Variants in C1QTNF3 observed in about 807,000 individuals in gnomAD.
C1QTNF3 encodes the protein complement C1q tumor necrosis factor-related protein 3.
Under a neutral mutation model 32.6 loss-of-function variants are expected in C1QTNF3, and 26 were observed. The observed-to-expected ratio is 0.80, with a 90% CI of 0.58 to 1.11. The LOEUF (loss-of-function observed/expected upper bound fraction) is 1.11. Ranked by LOEUF, C1QTNF3 falls within the 50% of genes least tolerant of loss-of-function variation. The pLI is 0.00. For synonymous variants in C1QTNF3, 155 were observed against 146.0 expected, an observed-to-expected ratio of 1.06 and a Z score of -0.44; for missense variants, 362 against 398.2, an observed-to-expected ratio of 0.91 and a Z score of 0.77.
chr5:34,213,773 ACG>A, the C1QTNF3 span, among the ~76,000 whole-genome samples: 16 of 57,288 alleles, frequency 2.8e-4, no homozygotes, highest in Non-Finnish European at 4.3e-4. Flanking sequence ...ACACACACAT[ACG>A]TGTATATATA....
chr5:34,024,002 T>C lies in C1QTNF3; in HGVS notation c.707A>G (p.Tyr236Cys), dbSNP rs773031650. The change falls in exon 5 of 6, where the codon TAT (tyrosine) becomes TGT (cysteine). Residue 236 changes from tyrosine to cysteine, a missense_variant. Tyr to Cys is a radical substitution (Grantham distance 194, BLOSUM62 -2). Transcript: ENST00000382065. ...GRFGAPVSGV[Y>C]FFTFSMMKHE... is the part of the protein sequence containing the mutation. ...CTTCATCATGCTGAAGGTGAAGAAA[T>C]ACACACCTGAAAAAAGCAGGTATAT... 2 of 1,613,806 alleles carry C rather than the reference T, an allele frequency of 1.2e-6. No homozygotes were observed. Among genetic ancestry groups the C allele is most frequent in the South Asian group, 2.2e-5 (2 of 91,048 alleles).
At chr5:34,076,026 A>G in the C1QTNF3 span, among the ~76,000 whole-genome samples, 2 of 151,684 alleles carry the variant, frequency 1.3e-5, no homozygotes, top group Non-Finnish European at 2.9e-5. Context: ...TCACAAAAAG[A>G]CAAACACTGA....
chr5:34,160,380 A>G, the C1QTNF3 span, among the ~76,000 whole-genome samples: 3 of 152,334 alleles, frequency 2.0e-5, no homozygotes, highest in Middle Eastern at 3.4e-3. Context: ...TTTAAATTAT[A>G]TGGACGTGTA....
At chr5:34,038,027 A>AG (rs1754783477) in intron 1 of C1QTNF3, among the ~76,000 whole-genome samples, 3 of 152,214 alleles carry the variant, frequency 2.0e-5, no homozygotes, top group African/African-American at 7.2e-5. Flanking sequence ...GGAAATACTG[A>AG]GATGCTTAGG....
At chr5:34,094,310 G>A in the C1QTNF3 span, among the ~76,000 whole-genome samples, 47 of 152,064 alleles carry the variant, frequency 3.1e-4, no homozygotes, top group African/African-American at 1.1e-3. Flanking sequence ...TATTGGCAAA[G>A]TTTCTGGTAA....
At chr5:34,148,160 C>T in the C1QTNF3 span, among the ~76,000 whole-genome samples, 2 of 148,910 alleles carry the variant, frequency 1.3e-5, no homozygotes, top group African/African-American at 2.5e-5. Context: ...GCTTAAGAAA[C>T]GGCGCACCAC....
At chr5:34,057,003 T>C in the C1QTNF3 span, among the ~76,000 whole-genome samples, 2 of 152,182 alleles carry the variant, frequency 1.3e-5, no homozygotes, top group Admixed American at 1.3e-4. Context: ...AATGCAAACT[T>C]TGGGTTCCCT....
At position 34,020,666 on chromosome 5, in the gene C1QTNF3, G is replaced by A; in HGVS notation, c.877C>T (p.Leu293=). 6.2e-7 allele frequency: 1 copy of A among 1,614,196 alleles called. No individual in the cohort carries two copies. Among genetic ancestry groups the A allele is most frequent in the Non-Finnish European group, 8.5e-7 (1 of 1,180,030 alleles). ...LKLAKGDEVW[L]RMGNGALHGD... is the part of the protein sequence containing the mutation. Reference sequence around the variant, plus strand: ...TGGAGAGCGCCATTGCCCATTCGCAGCCAAACCTCATCCCCTTTGGCTAGC... The same window carrying A: ...TGGAGAGCGCCATTGCCCATTCGCAACCAAACCTCATCCCCTTTGGCTAGC... The change falls in exon 6 of 6, where the codon CTG becomes TTG. Residue 293 remains leucine, a synonymous_variant. Transcript: ENST00000382065.
upstream of C1QTNF3, chr5:34,043,349 C>T (rs911514057): frequency 1.4e-5 from 8 of 560,166 alleles, no homozygotes; most frequent in South Asian, 2.3e-5. Context: ...CAAGCAAGAA[C>T]GATTTGTGTG....
At chr5:34,240,098 A>AAC in the C1QTNF3 span, among the ~76,000 whole-genome samples, 1 of 151,648 alleles carries the variant, frequency 6.6e-6, no homozygotes, top group Non-Finnish European at 1.5e-5. Flanking sequence ...TGAAAATGGG[A>AAC]ACACAAATTA....
chr5:34,066,339 C>G, the C1QTNF3 span, among the ~76,000 whole-genome samples: 40 of 152,318 alleles, frequency 2.6e-4, no homozygotes, highest in Admixed American at 2.2e-3. Context: ...TTACCCTGCT[C>G]ATGCCTGACA....
chr5:34,023,051 T>C (rs543507869), intron 5 of C1QTNF3, among the ~76,000 whole-genome samples: 1 of 152,218 alleles, frequency 6.6e-6, no homozygotes, highest in South Asian at 2.1e-4. Flanking sequence ...GAGACGGGGT[T>C]TCACCGTGTT....
the C1QTNF3 span, among the ~76,000 whole-genome samples, chr5:34,131,960 T>C: frequency 6.6e-6 from 1 of 152,202 alleles, no homozygotes. Flanking sequence ...ATAACGGTGA[T>C]AGTAGATTTG....
the C1QTNF3 span, among the ~76,000 whole-genome samples, chr5:34,237,703 G>A: frequency 6.6e-6 from 1 of 152,146 alleles, no homozygotes; most frequent in Non-Finnish European, 1.5e-5. Flanking sequence ...CAATGAAGCT[G>A]AGCTGAAGAG....
chr5:34,203,737 T>A, the C1QTNF3 span, among the ~76,000 whole-genome samples: 1 of 146,072 alleles, frequency 6.8e-6, no homozygotes, highest in Non-Finnish European at 1.5e-5. Context: ...TAAAAAATGA[T>A]CCAAAAATAT....
chr5:34,061,529 T>C, the C1QTNF3 span, among the ~76,000 whole-genome samples: 1 of 152,226 alleles, frequency 6.6e-6, no homozygotes. Context: ...GACATCCAGA[T>C]ATTTCCATAT....
the C1QTNF3 span, among the ~76,000 whole-genome samples, chr5:34,091,634 A>G: frequency 3.9e-5 from 6 of 152,240 alleles, no homozygotes; most frequent in African/African-American, 1.4e-4. Flanking sequence ...CATTTCTGGT[A>G]TTTAACTGCA....
At chr5:34,161,192 A>G in the C1QTNF3 span, among the ~76,000 whole-genome samples, 6 of 152,314 alleles carry the variant, frequency 3.9e-5, no homozygotes, top group Non-Finnish European at 7.3e-5. Context: ...CACCATATCC[A>G]TGGTTACAAA....
chr5:34,178,417 G>A, the C1QTNF3 span, among the ~76,000 whole-genome samples: 1 of 152,196 alleles, frequency 6.6e-6, no homozygotes, highest in African/African-American at 2.4e-5. Flanking sequence ...GGTGCAAACA[G>A]AACAGTGCAG....
Sources: gnomAD v4.1 joint callset for allele counts (sites outside exome capture counted in the v4.1 genomes callset) on GRCh38, gnomAD v4.1.1 for gene constraint, MANE v1.5 for transcripts, NCBI Gene and HGNC (gene_info 2026-07-23, HGNC 2026-07-21) for gene names.